DPY30: variants seen among roughly 807,000 people sequenced by gnomAD.
The protein encoded by DPY30 is protein dpy-30 homolog.
In DPY30, 6 loss-of-function variants were observed where a neutral mutation model predicts 16.2. That is an observed-to-expected ratio of 0.37 (90% CI 0.20 to 0.73). DPY30 has a LOEUF of 0.73. Among genes scored for constraint, DPY30 ranks in the 30% least tolerant of loss-of-function variants. The pLI is 0.51. For synonymous variants in DPY30, 39 were observed against 38.8 expected, an observed-to-expected ratio of 1.00 and a Z score of -0.02; for missense variants, 73 against 113.1, an observed-to-expected ratio of 0.65 and a Z score of 1.61.
At position 32,024,192 on chromosome 2, in the gene DPY30, G is replaced by A. The variant is rs988615169; in HGVS notation, c.292C>T (p.Arg98Ter). 3.7e-6 allele frequency: 6 copies of A among 1,611,842 alleles called. No individual in the cohort carries two copies. Among genetic ancestry groups the A allele is most frequent in the Admixed American group, 3.3e-5 (2 of 59,790 alleles). The change falls in exon 5 of 5, where the codon CGA (arginine) becomes TGA (stop). Residue 98 changes from arginine to a stop codon, truncating the protein, a stop_gained. Coordinates refer to ENST00000342166, the MANE Select transcript of DPY30 (RefSeq NM_001321209.2). LOFTEE classifies it high-confidence loss of function. ...LLKNKAQFED[R>*]N ...CTGTTCTTCCCATTAAGTCAGTTTCGATCTTCAAACTGTGCCTTGTTTTTT... is the reference window on the plus strand; with the variant it reads ...CTGTTCTTCCCATTAAGTCAGTTTCAATCTTCAAACTGTGCCTTGTTTTTT...
At chr2:32,033,628 C>T (rs1360606216) in intron 3 of DPY30, among the ~76,000 whole-genome samples, 2 of 152,232 alleles carry the variant, frequency 1.3e-5, no homozygotes, top group Non-Finnish European at 2.9e-5. Flanking sequence ...GCCGAGATCG[C>T]GCCACAGCAC....
At chr2:32,017,076 T>C (rs1675079962) in intron 5 of DPY30, among the ~76,000 whole-genome samples, 1 of 151,468 alleles carries the variant, frequency 6.6e-6, no homozygotes, top group South Asian at 2.1e-4. Flanking sequence ...AGAGACAGGG[T>C]TTCACCATGT....
At chr2:32,028,651 A>C (rs1251172787) in intron 4 of DPY30, among the ~76,000 whole-genome samples, 2 of 152,064 alleles carry the variant, frequency 1.3e-5, no homozygotes, top group East Asian at 3.9e-4. Flanking sequence ...AAATACAAAA[A>C]CTAGCCGGGC....
chr2:32,022,653 G>A (rs781741010), downstream of DPY30, among the ~76,000 whole-genome samples: 75 of 151,950 alleles, frequency 4.9e-4, no homozygotes, highest in Admixed American at 2.0e-3. Context: ...GAGTGGCTGG[G>A]ACGACAGGCA....
chr2:32,036,231 G>A (rs1307780573), intron 3 of DPY30, among the ~76,000 whole-genome samples: 1 of 151,832 alleles, frequency 6.6e-6, no homozygotes, highest in African/African-American at 2.4e-5. Context: ...TCCCACCTTG[G>A]CCTCCCAACG....
At chr2:32,015,186 G>A (rs909963154) in intron 5 of DPY30, among the ~76,000 whole-genome samples, 1 of 151,938 alleles carries the variant, frequency 6.6e-6, no homozygotes, top group Non-Finnish European at 1.5e-5. Flanking sequence ...ACAACTAACA[G>A]CTTTAGAAGC....
intron 4 of DPY30, among the ~76,000 whole-genome samples, chr2:32,025,340 G>T (rs894057774): frequency 2.0e-5 from 3 of 152,086 alleles, no homozygotes; most frequent in Admixed American, 6.6e-5. Context: ...GTGCGCACCT[G>T]TAATCCCAGC....
intron 5 of DPY30, among the ~76,000 whole-genome samples, chr2:32,012,417 TTC>T (rs1204544892): frequency 1.0e-4 from 15 of 147,688 alleles, no homozygotes; most frequent in African/African-American, 2.2e-4. Flanking sequence ...TCTCTCTTTT[TTC>T]TTTTTTTTTT....
At chr2:32,032,232 T>A (rs1276581851) in intron 3 of DPY30, among the ~76,000 whole-genome samples, 1 of 152,228 alleles carries the variant, frequency 6.6e-6, no homozygotes, top group Non-Finnish European at 1.5e-5. Context: ...TACAAAGTTT[T>A]TTAATCTATA....
intron 3 of DPY30, among the ~76,000 whole-genome samples, chr2:32,036,408 A>C (rs1675739222): frequency 6.6e-6 from 1 of 152,176 alleles, no homozygotes; most frequent in Non-Finnish European, 1.5e-5. Context: ...GCGGTGGCTC[A>C]CGCCTGTAAT....
chr2:32,029,220 G>T (rs747608876), intron 4 of DPY30, among the ~76,000 whole-genome samples: 8 of 152,010 alleles, frequency 5.3e-5, no homozygotes, highest in Non-Finnish European at 1.2e-4. Flanking sequence ...TGCAGTGAAC[G>T]AGATCATACC....
chr2:32,026,057 T>A (rs1675322392), intron 4 of DPY30, among the ~76,000 whole-genome samples: 1 of 151,966 alleles, frequency 6.6e-6, no homozygotes, highest in African/African-American at 2.4e-5. Context: ...CAGTAAGCCA[T>A]GATTGCCCCC....
At chr2:32,021,945 C>T (rs1675191927), downstream of DPY30, among the ~76,000 whole-genome samples, 1 of 151,742 alleles carries the variant, frequency 6.6e-6, no homozygotes, top group South Asian at 2.1e-4. Flanking sequence ...CGTGGTGGCT[C>T]ACACCCATAA....
At chr2:32,035,466 G>T (rs1196863299) in intron 3 of DPY30, among the ~76,000 whole-genome samples, 2 of 150,948 alleles carry the variant, frequency 1.3e-5, no homozygotes, top group Non-Finnish European at 3.0e-5. Flanking sequence ...GCTGGGTTTG[G>T]TGGCTCCCAG....
intron 3 of DPY30, among the ~76,000 whole-genome samples, chr2:32,033,764 A>C (rs1675631886): frequency 6.6e-6 from 1 of 152,272 alleles, no homozygotes; most frequent in Non-Finnish European, 1.5e-5. Flanking sequence ...TTTCATGTGA[A>C]CATTTATGAA....
chr2:32,033,355 G>T (rs1040202379), intron 3 of DPY30, among the ~76,000 whole-genome samples: 1 of 151,528 alleles, frequency 6.6e-6, no homozygotes, highest in East Asian at 2.0e-4. Context: ...ACATTACAAT[G>T]CCTACAATAG....
At chr2:32,036,725 G>A (rs1330460309) in intron 3 of DPY30, among the ~76,000 whole-genome samples, 9 of 149,132 alleles carry the variant, frequency 6.0e-5, no homozygotes, top group South Asian at 4.3e-4. Flanking sequence ...AAAATTAGCC[G>A]GGCATGGTTG....
At position 32,023,999 on chromosome 2, in the gene DPY30, T is replaced by A. The variant is rs1231773442; in HGVS notation, c.*185A>T. ...GCACAGAATACACTCATTAAATAGG[T>A]ATGGTTTATGGTGATTAAATCAAAA... On this transcript the variant is annotated 3_prime_UTR_variant, in exon 5 of 5. Coordinates refer to ENST00000342166, the MANE Select transcript of DPY30 (RefSeq NM_001321209.2). 5.5e-6 allele frequency: 8 copies of A among 1,443,506 alleles called. No individual in the cohort carries two copies. Among genetic ancestry groups the A allele is most frequent in the Non-Finnish European group, 7.2e-6 (8 of 1,104,646 alleles). 89.4% of individuals were successfully genotyped at this position (1,443,506 alleles called of 1,614,324 possible). A position where few individuals can be genotyped will look rare whatever the true frequency, so the allele number is the denominator to read the frequency against.
rs532720843 is a variant in DPY30 at position 32,025,818 on chromosome 2, C to G, written c.228-1562G>C. ...GCCGGGGGGAAAAAAAAAACAACAC[C>G]GTACTTGGGCCGGGCACGGTGGCTC... On this transcript the variant is annotated intron_variant, in intron 4 of 4. Coordinates refer to ENST00000342166, the MANE Select transcript of DPY30 (RefSeq NM_001321209.2). 1.6e-3 allele frequency among the ~76,000 whole-genome samples: 232 copies of G among 148,876 alleles called. 1 individual carries two copies. Among genetic ancestry groups the G allele is most frequent in the African/African-American group, 5.3e-3 (215 of 40,494 alleles).
Sources: allele counts gnomAD v4.1 joint callset (sites outside exome capture counted in the v4.1 genomes callset), GRCh38; gene constraint gnomAD v4.1.1; transcripts MANE v1.5; gene names NCBI Gene and HGNC (gene_info 2026-07-23, HGNC 2026-07-21).